The following CSMD1 variants were observed in gnomAD, a reference collection of about 807,000 sequenced individuals.
The protein encoded by CSMD1 is CUB and Sushi multiple domains 1.
A neutral mutation model predicts 417.5 loss-of-function variants in CSMD1; 213 were observed. That is an observed-to-expected ratio of 0.51 (90% CI 0.46 to 0.57). The LOEUF is 0.57. CSMD1 is among the 20% of genes least tolerant of loss of function. The probability of loss-of-function intolerance (pLI) is 0.00; values close to 1 mark genes in which losing one functional copy is unlikely to be tolerated. For synonymous variants in CSMD1, 2,862 were observed against 1,736.8 expected, an observed-to-expected ratio of 1.65 and a Z score of -16.11; for missense variants, 6,923 against 4,529.7, an observed-to-expected ratio of 1.53 and a Z score of -15.17.
intron 29 of CSMD1, among the ~76,000 whole-genome samples, chr8:3,216,067 TAA>T (rs911328551): frequency 8.6e-4 from 129 of 149,548 alleles, no homozygotes; most frequent in African/African-American, 2.7e-3. Context: ...ATTATATATA[TAA>T]GTTTTCTCAT....
chr8:4,227,844 A>T (rs1163777626), intron 3 of CSMD1, among the ~76,000 whole-genome samples: 25 of 139,714 alleles, frequency 1.8e-4, no homozygotes, highest in African/African-American at 6.9e-4. Flanking sequence ...CCTGCATTAA[A>T]CCCCACACCA....
At chr8:4,410,194 G>C (rs1796572366) in intron 3 of CSMD1, among the ~76,000 whole-genome samples, 2 of 152,276 alleles carry the variant, frequency 1.3e-5, no homozygotes, top group Middle Eastern at 3.4e-3. Flanking sequence ...TTCTATACCA[G>C]ATACTGAACC....
intron 11 of CSMD1, among the ~76,000 whole-genome samples, chr8:3,490,485 A>G (rs1326676981): frequency 6.6e-6 from 1 of 152,168 alleles, no homozygotes; most frequent in Non-Finnish European, 1.5e-5. Context: ...CATTTATTTT[A>G]GTGACATCCT....
Position 3,651,023 on chromosome 8 carries a change from C to G in CSMD1, c.1010-34226G>C, listed in dbSNP as rs541127751. 1.6e-4 allele frequency among the ~76,000 whole-genome samples: 25 copies of G among 152,178 alleles called. 1 individual carries two copies. Among genetic ancestry groups the G allele is most frequent in the African/African-American group, 5.6e-4 (23 of 41,430 alleles). On this transcript the variant is annotated intron_variant, in intron 7 of 69. Coordinates refer to ENST00000635120, the MANE Select transcript of CSMD1 (RefSeq NM_033225.6). ...CCAAAAACCTTGAAGTCAGCCTTGA[C>G]TCTTTTCATCATACAGCTTACCCAC...
intron 6 of CSMD1, among the ~76,000 whole-genome samples, chr8:3,735,491 T>C (rs1165691460): frequency 2.6e-5 from 4 of 152,374 alleles, no homozygotes; most frequent in Non-Finnish European, 5.9e-5. Flanking sequence ...TATATTCATG[T>C]TTCCCTGTGT....
At chr8:3,934,183 T>C (rs1173984076) in intron 5 of CSMD1, among the ~76,000 whole-genome samples, 1 of 152,216 alleles carries the variant, frequency 6.6e-6, no homozygotes, top group East Asian at 1.9e-4. Context: ...GAATCTCGGC[T>C]AAACCATGAT....
chr8:3,053,975 A>G (rs11993929), intron 49 of CSMD1, among the ~76,000 whole-genome samples: 7,512 of 152,250 alleles, frequency 0.049, 626 homozygotes, highest in African/African-American at 0.17. Context: ...ATAGAGCGGG[A>G]AGGGCTGGAT....
intron 10 of CSMD1, among the ~76,000 whole-genome samples, chr8:3,570,552 C>G (rs770670422): frequency 4.0e-5 from 3 of 75,760 alleles, no homozygotes; most frequent in African/African-American, 1.6e-4. Flanking sequence ...ATATTGTCTC[C>G]GCTCTAGAGA....
intron 37 of CSMD1, among the ~76,000 whole-genome samples, chr8:3,180,093 G>A (rs1264154601): frequency 6.6e-6 from 1 of 152,156 alleles, no homozygotes; most frequent in Admixed American, 6.6e-5. Flanking sequence ...CTTATTAAAG[G>A]AGATGAATAT....
At chr8:3,842,473 T>C (rs755445110) in intron 5 of CSMD1, among the ~76,000 whole-genome samples, 1 of 152,168 alleles carries the variant, frequency 6.6e-6, no homozygotes, top group Non-Finnish European at 1.5e-5. Flanking sequence ...TGTTCATTAC[T>C]AGTATTAAAT....
chr8:4,833,368 T>A (rs746518018), intron 1 of CSMD1, among the ~76,000 whole-genome samples: 1 of 152,110 alleles, frequency 6.6e-6, no homozygotes, highest in Non-Finnish European at 1.5e-5. Flanking sequence ...CTACACACTT[T>A]CAGACAACCA....
chr8:3,781,290 T>C (rs1285417817), intron 5 of CSMD1, among the ~76,000 whole-genome samples: 1 of 152,178 alleles, frequency 6.6e-6, no homozygotes, highest in Admixed American at 6.5e-5. Flanking sequence ...GAATATGGTA[T>C]GAATATACAA....
intron 21 of CSMD1, among the ~76,000 whole-genome samples, chr8:3,358,201 T>C (rs1316489064): frequency 6.6e-6 from 1 of 152,216 alleles, no homozygotes; most frequent in African/African-American, 2.4e-5. Flanking sequence ...CTGGTGAAAT[T>C]AGTGTGGTTC....
At chr8:3,849,550 T>C (rs1157291315) in intron 5 of CSMD1, among the ~76,000 whole-genome samples, 2 of 152,154 alleles carry the variant, frequency 1.3e-5, no homozygotes, top group African/African-American at 2.4e-5. Context: ...CAGAAATTGG[T>C]ATCTGCAATT....
intron 4 of CSMD1, among the ~76,000 whole-genome samples, chr8:4,000,180 G>A (rs1005542652): frequency 5.3e-5 from 8 of 150,362 alleles, no homozygotes; most frequent in East Asian, 2.0e-4. Context: ...CAACTGCCCA[G>A]CTCGCCGCAG....
chr8:3,390,528 G>C (rs975791390), intron 17 of CSMD1, among the ~76,000 whole-genome samples: 4 of 151,996 alleles, frequency 2.6e-5, no homozygotes, highest in African/African-American at 9.7e-5. Context: ...CTGCCTGACA[G>C]CACAAAGAGA....
In CSMD1 at chr8:3,534,803, CACA is replaced by C. The variant is rs1444753245; in HGVS notation, c.1344+40139_1344+40141del. ...TTATTTCCTTGTTACAAATTTCTCA[CACA>C]ACATTTTCTTTGGGTCACATTTTGG... On this transcript the variant is annotated intron_variant, in intron 10 of 69. Coordinates refer to ENST00000635120, the MANE Select transcript of CSMD1 (RefSeq NM_033225.6). 7.9e-5 allele frequency among the ~76,000 whole-genome samples: 12 copies of C among 152,310 alleles called. No homozygotes were observed. The East Asian group carries it at 2.3e-3, about 29-fold the overall frequency.
chr8:4,156,746 C>A (rs1796855891), intron 3 of CSMD1, among the ~76,000 whole-genome samples: 1 of 152,114 alleles, frequency 6.6e-6, no homozygotes, highest in South Asian at 2.1e-4. Context: ...ACAGCTTCAA[C>A]CTTTGAACAG....
chr8:3,301,455 G>A (rs1213839106), intron 25 of CSMD1, among the ~76,000 whole-genome samples: 1 of 151,970 alleles, frequency 6.6e-6, no homozygotes, highest in East Asian at 1.9e-4. Flanking sequence ...ACAGAAGGAA[G>A]GTAACTGATG....
Sources: allele counts gnomAD v4.1 joint callset (sites outside exome capture counted in the v4.1 genomes callset), GRCh38; gene constraint gnomAD v4.1.1; transcripts MANE v1.5; gene names NCBI Gene and HGNC (gene_info 2026-07-23, HGNC 2026-07-21).